Variants in DPP10 observed in about 807,000 individuals in gnomAD.
DPP10 encodes dipeptidyl peptidase like 10.
DPP10 carries 33 observed loss-of-function variants against 120.9 expected under a neutral mutation model. The observed-to-expected ratio is 0.27, with a 90% CI of 0.21 to 0.37. The LOEUF is 0.37. DPP10 is among the 10% of genes least tolerant of loss of function. The probability of loss-of-function intolerance (pLI) is 1.00; values close to 1 mark genes in which losing one functional copy is unlikely to be tolerated. For missense variants in DPP10, 816 were observed against 942.8 expected, an observed-to-expected ratio of 0.87 and a Z score of 1.76; for synonymous variants, 337 against 326.1, an observed-to-expected ratio of 1.03 and a Z score of -0.36.
chr2:115,571,515 G>A (rs2081337249), intron 5 of DPP10, among the ~76,000 whole-genome samples: 1 of 152,000 alleles, frequency 6.6e-6, no homozygotes, highest in African/African-American at 2.4e-5. Flanking sequence ...AATTCACTTA[G>A]GGTAATTGTT....
intron 1 of DPP10, among the ~76,000 whole-genome samples, chr2:114,715,905 A>G (rs547930553): frequency 6.6e-6 from 1 of 152,258 alleles, no homozygotes; most frequent in East Asian, 1.9e-4. Context: ...AATAAATATG[A>G]GCGAGTGAGC....
chr2:115,805,887 T>C (rs1297853075), intron 19 of DPP10, among the ~76,000 whole-genome samples: 1 of 152,126 alleles, frequency 6.6e-6, no homozygotes, highest in African/African-American at 2.4e-5. Context: ...TCCTGTGCTT[T>C]CATAAGAACT....
At chr2:115,464,340 C>G (rs1216353878) in intron 3 of DPP10, among the ~76,000 whole-genome samples, 1 of 151,820 alleles carries the variant, frequency 6.6e-6, no homozygotes, top group Non-Finnish European at 1.5e-5. Context: ...ACAAAAATAT[C>G]TTCTTAATGG....
intron 5 of DPP10, among the ~76,000 whole-genome samples, chr2:115,553,731 G>A (rs1275885317): frequency 6.6e-6 from 1 of 151,590 alleles, no homozygotes; most frequent in Non-Finnish European, 1.5e-5. Context: ...GTTTTATATA[G>A]ACCACACCAC....
chr2:115,522,486 A>C (rs1488025495), intron 4 of DPP10, among the ~76,000 whole-genome samples: 1 of 152,232 alleles, frequency 6.6e-6, no homozygotes, highest in Non-Finnish European at 1.5e-5. Context: ...CGTACAAAAC[A>C]GGCACCACCA....
intron 5 of DPP10, among the ~76,000 whole-genome samples, chr2:115,528,186 A>C (rs985021754): frequency 6.6e-6 from 1 of 151,876 alleles, no homozygotes; most frequent in Non-Finnish European, 1.5e-5. Context: ...TCCAACAATG[A>C]TAGACTGGAT....
chr2:114,825,802 T>C (rs1686481963), intron 1 of DPP10, among the ~76,000 whole-genome samples: 1 of 152,212 alleles, frequency 6.6e-6, no homozygotes, highest in African/African-American at 2.4e-5. Flanking sequence ...ACAGTTTGCA[T>C]GCTACACTGT....
intron 1 of DPP10, among the ~76,000 whole-genome samples, chr2:114,936,780 C>T (rs1696518748): frequency 6.6e-6 from 1 of 152,018 alleles, no homozygotes; most frequent in Non-Finnish European, 1.5e-5. Flanking sequence ...TGATTATGGC[C>T]ATTCTTGTAG....
At position 114,984,435 on chromosome 2, in the gene DPP10, AAAG is replaced by A. The variant is rs1024655439; in HGVS notation, c.61-324803_61-324801del. 5.3e-4 allele frequency among the ~76,000 whole-genome samples: 80 copies of A among 151,804 alleles called. 1 individual carries two copies. The highest frequency in any genetic ancestry group is 4.0e-3 in the Admixed American group (60 of 15,128). On this transcript the variant is annotated intron_variant, in intron 1 of 25. Transcript: ENST00000410059. ...GTAAAACATGAGCAAAAAGAATAAA[AAAG>A]GAAAAAAAAAAAGATCAGAGCTGCA...
At chr2:114,950,138 G>A (rs1697665856) in intron 1 of DPP10, among the ~76,000 whole-genome samples, 1 of 152,030 alleles carries the variant, frequency 6.6e-6, no homozygotes, top group Admixed American at 6.5e-5. Context: ...TATAACTATA[G>A]TAATGTAATG....
At chr2:115,188,084 A>G (rs1048402243) in intron 1 of DPP10, among the ~76,000 whole-genome samples, 2 of 150,960 alleles carry the variant, frequency 1.3e-5, no homozygotes, top group Non-Finnish European at 3.0e-5. Flanking sequence ...AGAGAGAGAG[A>G]GCGCACTCAG....
At chr2:114,636,241 A>G (rs948096475) in intron 1 of DPP10, among the ~76,000 whole-genome samples, 30 of 152,026 alleles carry the variant, frequency 2.0e-4, no homozygotes, top group Non-Finnish European at 3.4e-4. Context: ...ACTGCTTTAT[A>G]TAAACTTCCC....
At chr2:114,462,118 G>A in intron 1 of DPP10, 5 of 985,354 alleles carry the variant, frequency 5.1e-6, no homozygotes, top group Non-Finnish European at 4.8e-6. Flanking sequence ...TTCTTGGAAT[G>A]AAACATTATC....
At chr2:114,722,775 C>CAAAAAAAA (rs61497158) in intron 1 of DPP10, among the ~76,000 whole-genome samples, 3 of 55,866 alleles carry the variant, frequency 5.4e-5, no homozygotes, top group Admixed American at 2.8e-4. Context: ...GGCTCTGTCT[C>CAAAAAAAA]AAAAAAAAAA....
chr2:115,664,057 A>G (rs1449465398), intron 5 of DPP10, among the ~76,000 whole-genome samples: 5 of 151,716 alleles, frequency 3.3e-5, no homozygotes, highest in Non-Finnish European at 5.9e-5. Flanking sequence ...TTCACACTTT[A>G]TATCAGTGAT....
At chr2:115,629,087 T>G (rs2085615482) in intron 5 of DPP10, among the ~76,000 whole-genome samples, 1 of 152,290 alleles carries the variant, frequency 6.6e-6, no homozygotes, top group South Asian at 2.1e-4. Flanking sequence ...GTACTTGCGA[T>G]AGTTTGCTGA....
intron 1 of DPP10, among the ~76,000 whole-genome samples, chr2:114,838,304 T>C (rs1028549501): frequency 2.0e-5 from 3 of 152,080 alleles, no homozygotes; most frequent in African/African-American, 7.2e-5. Context: ...TTAAGTCTTG[T>C]TTTTATTTAT....
intron 1 of DPP10, among the ~76,000 whole-genome samples, chr2:114,799,085 T>A (rs909802145): frequency 6.6e-6 from 1 of 152,098 alleles, no homozygotes; most frequent in African/African-American, 2.4e-5. Flanking sequence ...GTCGAGATCG[T>A]GCCATTGCAC....
intron 1 of DPP10, among the ~76,000 whole-genome samples, chr2:114,620,036 G>T (rs781487510): frequency 2.8e-4 from 43 of 151,808 alleles, no homozygotes; most frequent in Non-Finnish European, 5.2e-4. Context: ...TAAAAATCTC[G>T]GTTTAAGTTG....
Sources: gnomAD v4.1 joint callset for allele counts (sites outside exome capture counted in the v4.1 genomes callset) on GRCh38, gnomAD v4.1.1 for gene constraint, MANE v1.5 for transcripts, NCBI Gene and HGNC (gene_info 2026-07-23, HGNC 2026-07-21) for gene names.